Variants in DMD observed in about 807,000 individuals in gnomAD.
The protein encoded by DMD is mutant dystrophin.
Under a neutral mutation model 330.1 loss-of-function variants are expected in DMD, and 63 were observed. The observed-to-expected ratio is 0.19, with a 90% CI of 0.16 to 0.24. The LOEUF is 0.24. DMD is among the 10% of genes least tolerant of loss of function. DMD has a pLI of 1.00. For synonymous variants in DMD, 1,223 were observed against 959.8 expected, an observed-to-expected ratio of 1.27 and a Z score of -5.07; for missense variants, 3,344 against 2,684.1, an observed-to-expected ratio of 1.25 and a Z score of -5.43.
At chrX:32,510,275 G>A (rs894849106) in intron 18 of DMD, among the ~76,000 whole-genome samples, 2 of 111,763 alleles carry the variant, frequency 1.8e-5, no homozygotes, top group African/African-American at 6.5e-5. Flanking sequence ...GCATGCTGCT[G>A]TTACACGGCT....
chrX:32,791,334 G>C (rs1049624034), intron 7 of DMD, among the ~76,000 whole-genome samples: 2 of 111,529 alleles, frequency 1.8e-5, no homozygotes, highest in African/African-American at 6.5e-5. Context: ...CCACCTATAA[G>C]CCAAAGGGTT....
At chrX:32,804,129 C>T (rs756903730) in intron 7 of DMD, among the ~76,000 whole-genome samples, 4 of 111,489 alleles carry the variant, frequency 3.6e-5, no homozygotes, top group East Asian at 2.9e-4. Context: ...GAGACAGAAC[C>T]GTTCACTCCC....
intron 1 of DMD, among the ~76,000 whole-genome samples, chrX:33,303,587 G>T (rs1435101157): frequency 9.0e-6 from 1 of 111,446 alleles, no homozygotes; most frequent in African/African-American, 3.3e-5. Context: ...TGTGTGGTGG[G>T]AGAGACCCAG....
chrX:31,224,910 T>A (rs1405295463), intron 63 of DMD, among the ~76,000 whole-genome samples: 1 of 112,338 alleles, frequency 8.9e-6, no homozygotes, highest in Non-Finnish European at 1.9e-5. Flanking sequence ...CTGTTTGATT[T>A]CACTTATATC....
intron 51 of DMD, among the ~76,000 whole-genome samples, chrX:31,752,487 C>T (rs765561324): frequency 2.7e-5 from 3 of 110,764 alleles, no homozygotes; most frequent in African/African-American, 9.9e-5. Flanking sequence ...CAAAGGCCTC[C>T]GGAAGTGGGA....
At chrX:31,380,133 C>T (rs1396568554) in intron 60 of DMD, among the ~76,000 whole-genome samples, 6 of 111,006 alleles carry the variant, frequency 5.4e-5, no homozygotes, top group Non-Finnish European at 9.4e-5. Context: ...CCCTTACCTC[C>T]ATAACTGTTG....
At chrX:32,606,756 CATATATATACACACATAT>C (rs2056752041) in intron 12 of DMD, among the ~76,000 whole-genome samples, 1 of 104,851 alleles carries the variant, frequency 9.5e-6, no homozygotes, top group Non-Finnish European at 2.0e-5. Flanking sequence ...CACACACATA[CATATATATACACACATAT>C]ATACACACAC....
At chrX:32,893,903 G>A in intron 2 of DMD, among the ~76,000 whole-genome samples, 1 of 111,121 alleles carries the variant, frequency 9.0e-6, no homozygotes, top group East Asian at 2.9e-4. Context: ...CTTGAGATGG[G>A]CTGGCATGTT....
intron 59 of DMD, among the ~76,000 whole-genome samples, chrX:31,461,787 T>A (rs2066543047): frequency 4.5e-5 from 5 of 110,697 alleles, no homozygotes; most frequent in Admixed American, 2.9e-4. Context: ...GAAGAGTGAG[T>A]GGATTACTAG....
chrX:31,848,363 T>C (rs750456162), intron 48 of DMD, among the ~76,000 whole-genome samples: 1 of 111,527 alleles, frequency 9.0e-6, no homozygotes, highest in East Asian at 2.8e-4. Flanking sequence ...TGATTTCAGA[T>C]AAGGTGAAGA....
At chrX:32,521,194 G>A (rs774564229) in intron 17 of DMD, among the ~76,000 whole-genome samples, 3 of 111,555 alleles carry the variant, frequency 2.7e-5, no homozygotes, top group Non-Finnish European at 3.8e-5. Flanking sequence ...ATTTTGAGAC[G>A]GAGTCTCACT....
At chrX:32,326,469 A>G in intron 41 of DMD, among the ~76,000 whole-genome samples, 1 of 113,240 alleles carries the variant, frequency 8.8e-6, no homozygotes, top group East Asian at 2.8e-4. Context: ...TGTAACATAT[A>G]TGAATACATT....
intron 44 of DMD, among the ~76,000 whole-genome samples, chrX:32,045,919 A>G (rs2096061429): frequency 8.9e-6 from 1 of 112,474 alleles, no homozygotes; most frequent in South Asian, 3.6e-4. Flanking sequence ...GATCATGTGG[A>G]TAAATTGACT....
chrX:32,625,747 AATAAAGGC>A (rs2058306377), intron 11 of DMD, among the ~76,000 whole-genome samples: 1 of 112,282 alleles, frequency 8.9e-6, no homozygotes, highest in African/African-American at 3.2e-5. Context: ...GGCACTAACT[AATAAAGGC>A]ATAAATGGAT....
chrX:33,022,935 G>A (rs2093940313), intron 1 of DMD, among the ~76,000 whole-genome samples: 1 of 111,716 alleles, frequency 9.0e-6, no homozygotes, highest in Non-Finnish European at 1.9e-5. Flanking sequence ...TATGTGAATA[G>A]CGTCCTGGAA....
intron 17 of DMD, among the ~76,000 whole-genome samples, chrX:32,524,811 C>T (rs1367182102): frequency 8.9e-6 from 1 of 112,551 alleles, no homozygotes; most frequent in Non-Finnish European, 1.9e-5. Flanking sequence ...GGGTCACATA[C>T]AGTGCGTGAA....
chrX:32,433,944 C>A (rs779731874), intron 29 of DMD, among the ~76,000 whole-genome samples: 1 of 111,971 alleles, frequency 8.9e-6, no homozygotes, highest in East Asian at 2.8e-4. Context: ...TGCTAACCAT[C>A]TTTCAAATCA....
Position 33,158,981 on chromosome X carries a change from G to A in DMD, c.31+52301C>T, listed in dbSNP as rs1034443939. On this transcript the variant is annotated intron_variant, in intron 1 of 78. Coordinates refer to ENST00000357033, the MANE Select transcript of DMD (RefSeq NM_004006.3). ...GCATACATCAATATTTTTAAACACC[G>A]AAGTAAGTGTCAAAGGTCTGAAAAT... 2.3e-4 allele frequency among the ~76,000 whole-genome samples: 26 copies of A among 111,519 alleles called. 1 individual carries two copies. The highest frequency in any genetic ancestry group is 5.7e-4 in the Admixed American group (6 of 10,493).
intron 44 of DMD, among the ~76,000 whole-genome samples, chrX:32,140,156 G>A (rs986149518): frequency 8.9e-6 from 1 of 112,097 alleles, no homozygotes; most frequent in South Asian, 3.7e-4. Context: ...TCAATGATAT[G>A]ATTTGAATTC....
Sources: gnomAD v4.1 joint callset for allele counts (sites outside exome capture counted in the v4.1 genomes callset) on GRCh38, gnomAD v4.1.1 for gene constraint, MANE v1.5 for transcripts, NCBI Gene and HGNC (gene_info 2026-07-23, HGNC 2026-07-21) for gene names.